NCAM1: variants seen among roughly 807,000 people sequenced by gnomAD.
The protein encoded by NCAM1 is neural cell adhesion molecule 1.
A neutral mutation model predicts 109.8 loss-of-function variants in NCAM1; 14 were observed. The observed-to-expected ratio is 0.13, with a 90% CI of 0.08 to 0.20. NCAM1 has a LOEUF of 0.20. Ranked by LOEUF, NCAM1 falls within the 10% of genes least tolerant of loss-of-function variation. NCAM1 has a pLI of 1.00. For synonymous variants in NCAM1, 418 were observed against 442.9 expected, an observed-to-expected ratio of 0.94 and a Z score of 0.70; for missense variants, 774 against 1,109.9, an observed-to-expected ratio of 0.70 and a Z score of 4.30.
Position 113,275,317 on chromosome 11 carries a change from C to T in NCAM1, c.2507C>T (p.Pro836Leu), listed in dbSNP as rs1946379548. ...GAGTGCCAGGAGACAGAAACGAAGC[C>T]AGCGCCAGCCGAAGTCAAGACGGTC... ...KPECQETETK[P>L]APAEVKTVPN... The change falls in exon 20 of 20, where the codon CCA (proline) becomes CTA (leucine). Residue 836 changes from proline to leucine, a missense_variant. Physicochemically the swap from Pro to Leu is moderately conservative, Grantham distance 98 (BLOSUM62 -3). Coordinates refer to ENST00000316851, the MANE Select transcript of NCAM1 (RefSeq NM_181351.5). 1 of 1,613,600 alleles carries T rather than the reference C, an allele frequency of 6.2e-7. No homozygotes were observed. The highest frequency in any genetic ancestry group is 1.3e-5 in the African/African-American group (1 of 74,876).
intron 1 of NCAM1, among the ~76,000 whole-genome samples, chr11:113,178,159 C>G (rs1555107388): frequency 6.6e-6 from 1 of 152,122 alleles, no homozygotes; most frequent in African/African-American, 2.4e-5. Context: ...GCCCCATTCT[C>G]CGGGTGCTTC....
chr11:113,173,235 T>A (rs535563373), intron 1 of NCAM1, among the ~76,000 whole-genome samples: 1 of 152,272 alleles, frequency 6.6e-6, no homozygotes, highest in East Asian at 1.9e-4. Context: ...TTGTCTCTCA[T>A]GTCTGTCAAA....
chr11:113,132,387 C>A (rs1406927811), intron 1 of NCAM1, among the ~76,000 whole-genome samples: 2 of 152,160 alleles, frequency 1.3e-5, no homozygotes, highest in African/African-American at 4.8e-5. Context: ...GGACAGGTTC[C>A]TTCAATTCAC....
chr11:113,114,096 C>G (rs2135976179), intron 1 of NCAM1, among the ~76,000 whole-genome samples: 1 of 152,314 alleles, frequency 6.6e-6, no homozygotes, highest in South Asian at 2.1e-4. Context: ...ATATTAAACT[C>G]TTTTTGCCTT....
At chr11:113,174,837 G>A (rs1272838266) in intron 1 of NCAM1, among the ~76,000 whole-genome samples, 1 of 152,182 alleles carries the variant, frequency 6.6e-6, no homozygotes, top group Non-Finnish European at 1.5e-5. Flanking sequence ...AACCCTCTGT[G>A]TGCATCCCAG....
At chr11:113,100,794 C>G (rs1000534897) in intron 1 of NCAM1, among the ~76,000 whole-genome samples, 5 of 152,072 alleles carry the variant, frequency 3.3e-5, no homozygotes, top group Admixed American at 6.5e-5. Context: ...GGCAGGAAAA[C>G]AGGGATGTGA....
rs375984527 is a variant in NCAM1, at chr11:113,000,817, C to CATATATATATATATATATAT, written c.52+39165_52+39184dup. On this transcript the variant is annotated intron_variant, in intron 1 of 19. Coordinates refer to ENST00000316851, the MANE Select transcript of NCAM1 (RefSeq NM_181351.5). ...GAGGCAACCTATAGAATTATATATA[C>CATATATATATATATATATAT]ATATATATATATATATATATATATA... Among the ~76,000 whole-genome samples, 29 of 129,432 alleles carry CATATATATATATATATATAT rather than the reference C, an allele frequency of 2.2e-4. 1 individual carries two copies. Among genetic ancestry groups the CATATATATATATATATATAT allele is most frequent in the East Asian group, 6.3e-4 (3 of 4,788 alleles). 84.9% of individuals were successfully genotyped at this position (129,432 alleles called of 152,430 possible).
intron 7 of NCAM1, 48 bp from the exon 8 acceptor site, chr11:113,214,321 G>C (rs1323539934): frequency 6.3e-7 from 1 of 1,598,526 alleles, no homozygotes; most frequent in Admixed American, 1.7e-5. Flanking sequence ...TTTAAACCCA[G>C]AAAGCTCAAT....
intron 1 of NCAM1, among the ~76,000 whole-genome samples, chr11:113,058,717 T>G (rs1953806760): frequency 6.6e-6 from 1 of 152,210 alleles, no homozygotes; most frequent in African/African-American, 2.4e-5. Context: ...CAGTCGCTTG[T>G]CCATTTCTGC....
At chr11:113,123,214 A>G (rs550953188) in intron 1 of NCAM1, among the ~76,000 whole-genome samples, 2 of 151,854 alleles carry the variant, frequency 1.3e-5, no homozygotes, top group Admixed American at 1.3e-4. Context: ...GAAGATTTGA[A>G]ATATTCCCAA....
At chr11:113,077,761 G>A (rs782470290) in intron 1 of NCAM1, among the ~76,000 whole-genome samples, 17 of 151,006 alleles carry the variant, frequency 1.1e-4, no homozygotes, top group Non-Finnish European at 1.9e-4. Context: ...ATCTCGGCTC[G>A]CTGTAACCTC....
chr11:113,149,836 C>A (rs1942161471), intron 1 of NCAM1, among the ~76,000 whole-genome samples: 1 of 152,184 alleles, frequency 6.6e-6, no homozygotes, highest in East Asian at 1.9e-4. Context: ...TTTCAAACAG[C>A]CTCACAAATA....
chr11:113,107,507 A>G (rs782009911), intron 1 of NCAM1, among the ~76,000 whole-genome samples: 2 of 152,176 alleles, frequency 1.3e-5, no homozygotes, highest in African/African-American at 4.8e-5. Context: ...ATAAAGAAAA[A>G]GATTTAACGG....
At chr11:113,150,031 G>T (rs1164249432) in intron 1 of NCAM1, among the ~76,000 whole-genome samples, 1 of 152,094 alleles carries the variant, frequency 6.6e-6, no homozygotes, top group Non-Finnish European at 1.5e-5. Context: ...GGGCAGCGGG[G>T]AAAATCAAGG....
At position 113,234,150 on chromosome 11, in the gene NCAM1, A is replaced by G. The variant is rs575892949; in HGVS notation, c.1693+833A>G. Among the ~76,000 whole-genome samples, 11 of 151,948 alleles carry G rather than the reference A, an allele frequency of 7.2e-5. No individual in the cohort carries two copies. The East Asian group carries it at 2.1e-3, about 29-fold the overall frequency. On this transcript the variant is annotated intron_variant, in intron 13 of 19. Coordinates refer to ENST00000316851, the MANE Select transcript of NCAM1 (RefSeq NM_181351.5). ...GGCCGAGAGGAGCTGCTGGGTAATC[A>G]GGATTGGAGCCAGAAGAAAGCAATC...
chr11:112,968,489 G>A (rs1311613758), intron 1 of NCAM1, among the ~76,000 whole-genome samples: 1 of 152,064 alleles, frequency 6.6e-6, no homozygotes, highest in Non-Finnish European at 1.5e-5. Context: ...ATCACGTTAT[G>A]GTTTACAAAA....
intron 9 of NCAM1, among the ~76,000 whole-genome samples, chr11:113,224,782 C>T (rs973592429): frequency 8.5e-5 from 13 of 152,184 alleles, no homozygotes; most frequent in African/African-American, 2.4e-4. Flanking sequence ...CACCAATATT[C>T]GCTGTTCTGC....
chr11:113,265,155 T>A, intron 17 of NCAM1: 1 of 984,876 alleles, frequency 1.0e-6, no homozygotes, highest in Non-Finnish European at 1.2e-6. Flanking sequence ...CTTTATGAAG[T>A]TTACACCTTT....
At chr11:113,157,309 A>G (rs1175238733) in intron 1 of NCAM1, among the ~76,000 whole-genome samples, 1 of 152,194 alleles carries the variant, frequency 6.6e-6, no homozygotes, top group Non-Finnish European at 1.5e-5. Flanking sequence ...TTAGAACTTC[A>G]CTGTTGAGCA....
Sources: allele counts gnomAD v4.1 joint callset (sites outside exome capture counted in the v4.1 genomes callset), GRCh38; gene constraint gnomAD v4.1.1; transcripts MANE v1.5; gene names NCBI Gene and HGNC (gene_info 2026-07-23, HGNC 2026-07-21).